FGF14: variants seen among roughly 807,000 people sequenced by gnomAD.
The protein encoded by FGF14 is fibroblast growth factor homologous factor 4.
FGF14 carries 5 observed loss-of-function variants against 25.5 expected under a neutral mutation model. That is an observed-to-expected ratio of 0.20 (90% CI 0.10 to 0.41). The LOEUF is 0.41. Among genes scored for constraint, FGF14 ranks in the 10% least tolerant of loss-of-function variants. The pLI is 1.00. For missense variants in FGF14, 222 were observed against 320.1 expected (o/e 0.69, Z 2.34); for synonymous variants, 138 against 118.3 (o/e 1.17, Z -1.08).
intron 1 of FGF14, among the ~76,000 whole-genome samples, chr13:102,312,257 C>A: frequency 6.7e-6 from 1 of 148,808 alleles, no homozygotes; most frequent in African/African-American, 2.5e-5. Flanking sequence ...TCTGCTTGCT[C>A]ATTTAAATGA....
chr13:102,401,287 G>C (rs1321727439), intron 1 of FGF14, among the ~76,000 whole-genome samples: 1 of 151,784 alleles, frequency 6.6e-6, no homozygotes, highest in African/African-American at 2.4e-5. Flanking sequence ...TAATGGTTTT[G>C]GGGTTCGTAG....
chr13:101,977,695 A>G (rs1220714479), intron 1 of FGF14, among the ~76,000 whole-genome samples: 7 of 152,226 alleles, frequency 4.6e-5, no homozygotes, highest in African/African-American at 1.7e-4. Flanking sequence ...GGATGCAGCC[A>G]ACATCACAGA....
At chr13:101,931,417 T>C (rs1464127408) in intron 1 of FGF14, among the ~76,000 whole-genome samples, 3 of 152,202 alleles carry the variant, frequency 2.0e-5, no homozygotes, top group African/African-American at 7.2e-5. Flanking sequence ...AATACACATT[T>C]TGATGCTCTC....
intron 3 of FGF14, among the ~76,000 whole-genome samples, chr13:101,812,956 C>A (rs2041654212): frequency 6.6e-6 from 1 of 152,032 alleles, no homozygotes; most frequent in South Asian, 2.1e-4. Context: ...CGTGAGCCAC[C>A]ATGCCCAGCT....
intron 3 of FGF14, among the ~76,000 whole-genome samples, chr13:101,770,148 A>C (rs1240051849): frequency 6.6e-6 from 1 of 152,054 alleles, no homozygotes; most frequent in Non-Finnish European, 1.5e-5. Flanking sequence ...TTTTAAGTAC[A>C]TTTATATCAA....
chr13:102,309,583 G>A (rs1471075110), intron 1 of FGF14, among the ~76,000 whole-genome samples: 5 of 151,898 alleles, frequency 3.3e-5, no homozygotes, highest in African/African-American at 1.2e-4. Flanking sequence ...ATACAATTTG[G>A]GTAAAAAGAA....
At chr13:102,136,028 G>A (rs2046394681) in intron 1 of FGF14, among the ~76,000 whole-genome samples, 1 of 152,030 alleles carries the variant, frequency 6.6e-6, no homozygotes. Context: ...GCATTTGCTT[G>A]GAGAGCTATA....
intron 1 of FGF14, among the ~76,000 whole-genome samples, chr13:102,153,312 A>C (rs2047172855): frequency 6.6e-6 from 1 of 152,222 alleles, no homozygotes; most frequent in South Asian, 2.1e-4. Context: ...TTTTTCTCTG[A>C]AATAAAGATG....
At chr13:102,006,813 C>T (rs984691114) in intron 1 of FGF14, among the ~76,000 whole-genome samples, 41 of 132,448 alleles carry the variant, frequency 3.1e-4, no homozygotes, top group African/African-American at 3.1e-4. Context: ...GGCGCAATCT[C>T]GGCTCACTGC....
At chr13:102,150,247 T>C (rs960195818) in intron 1 of FGF14, among the ~76,000 whole-genome samples, 4 of 151,954 alleles carry the variant, frequency 2.6e-5, no homozygotes, top group Non-Finnish European at 5.9e-5. Context: ...TATGAAGCCC[T>C]AAATGTCTAC....
intron 3 of FGF14, among the ~76,000 whole-genome samples, chr13:101,761,948 G>A (rs1043289511): frequency 6.6e-6 from 1 of 152,128 alleles, no homozygotes; most frequent in Admixed American, 6.6e-5. Context: ...CAGGGAGTTA[G>A]AATTGGACAG....
rs2034633224 is a variant in FGF14 at position 101,714,662 on chromosome 13, A to G, written c.*8169T>C. ...TGGACCAACAGGGCCAACCGTGAAT[A>G]TGAAATATCTACCAAAGGCGAAGTG... is the stretch of plus-strand genomic sequence containing the variant. On this transcript the variant is annotated 3_prime_UTR_variant, in exon 5 of 5. Coordinates refer to ENST00000376143, the MANE Select transcript of FGF14 (RefSeq NM_004115.4). 1.3e-5 allele frequency: 9 copies of G among 701,524 alleles called. No individual in the cohort carries two copies. Among genetic ancestry groups the G allele is most frequent in the South Asian group, 1.2e-4 (7 of 57,928 alleles). 43.5% of individuals were successfully genotyped at this position (701,524 alleles called of 1,614,324 possible).
intron 1 of FGF14, among the ~76,000 whole-genome samples, chr13:102,213,650 G>A (rs1056378557): frequency 6.6e-5 from 10 of 152,148 alleles, no homozygotes; most frequent in African/African-American, 2.4e-4. Context: ...TCAGGGAGAT[G>A]GCACTGATGA....
chr13:101,901,683 G>A (rs2031572969), intron 1 of FGF14, among the ~76,000 whole-genome samples: 2 of 151,984 alleles, frequency 1.3e-5, no homozygotes, highest in Admixed American at 1.3e-4. Flanking sequence ...CAGCCTGGGG[G>A]ACAGAGCAAG....
chr13:101,902,161 C>T (rs1690626906), intron 1 of FGF14, among the ~76,000 whole-genome samples: 1 of 152,154 alleles, frequency 6.6e-6, no homozygotes, highest in African/African-American at 2.4e-5. Flanking sequence ...ATACTTAGAG[C>T]CACTCTGAGA....
chr13:101,919,404 GTTCT>G (rs1416008763), upstream of FGF14, among the ~76,000 whole-genome samples: 3 of 151,510 alleles, frequency 2.0e-5, no homozygotes, highest in Admixed American at 2.0e-4. Context: ...ATTTTTAAAG[GTTCT>G]TTAAGCCTTT....
chr13:101,789,789 C>T (rs576119133), intron 3 of FGF14, among the ~76,000 whole-genome samples: 92 of 151,512 alleles, frequency 6.1e-4, no homozygotes, highest in Non-Finnish European at 1.1e-3. Flanking sequence ...ATTAAAAATT[C>T]CAATAACATT....
intron 1 of FGF14, among the ~76,000 whole-genome samples, chr13:102,024,477 T>C (rs558722922): frequency 7.9e-6 from 1 of 126,596 alleles, no homozygotes; most frequent in Admixed American, 8.0e-5. Flanking sequence ...ATTTTTCTTT[T>C]TAATGTGGTC....
chr13:102,085,034 T>C (rs911855741), intron 1 of FGF14, among the ~76,000 whole-genome samples: 1 of 152,214 alleles, frequency 6.6e-6, no homozygotes, highest in Non-Finnish European at 1.5e-5. Context: ...GAAATATCAT[T>C]GACCAAATTT....
Sources: allele counts gnomAD v4.1 joint callset (sites outside exome capture counted in the v4.1 genomes callset), GRCh38; gene constraint gnomAD v4.1.1; transcripts MANE v1.5; gene names NCBI Gene and HGNC (gene_info 2026-07-23, HGNC 2026-07-21).